Variants in CHCHD3 observed in about 807,000 individuals in gnomAD.
CHCHD3 encodes MICOS complex subunit MIC19.
Under a neutral mutation model 38.2 loss-of-function variants are expected in CHCHD3, and 20 were observed. The ratio of observed to expected loss-of-function variants is 0.52; its 90% CI spans 0.37 to 0.76. CHCHD3 has a LOEUF of 0.76. Ranked by LOEUF, CHCHD3 falls within the 30% of genes least tolerant of loss-of-function variation. The pLI is 0.00. For missense variants in CHCHD3, 245 were observed against 279.2 expected (o/e 0.88, Z 0.87); for synonymous variants, 82 against 100.0 (o/e 0.82, Z 1.07).
At chr7:132,818,387 A>G (rs1197535815) in intron 6 of CHCHD3, among the ~76,000 whole-genome samples, 1 of 152,216 alleles carries the variant, frequency 6.6e-6, no homozygotes, top group East Asian at 1.9e-4. Context: ...GTTTTAATTG[A>G]GCCAGAAAAA....
intron 2 of CHCHD3, among the ~76,000 whole-genome samples, chr7:133,042,710 T>G (rs768685811): frequency 2.0e-5 from 3 of 152,208 alleles, no homozygotes; most frequent in Non-Finnish European, 4.4e-5. Context: ...GACAACTGCA[T>G]TTCTCATAAT....
intron 3 of CHCHD3, among the ~76,000 whole-genome samples, chr7:132,988,585 T>A (rs1381272462): frequency 6.6e-6 from 1 of 152,102 alleles, no homozygotes; most frequent in African/African-American, 2.4e-5. Flanking sequence ...ATCCACAGGT[T>A]TAACCAAATG....
intron 4 of CHCHD3, among the ~76,000 whole-genome samples, chr7:132,951,601 TG>T (rs944758359): frequency 6.6e-5 from 10 of 152,340 alleles, no homozygotes; most frequent in African/African-American, 2.4e-4. Flanking sequence ...TCTAGGTTTG[TG>T]TAAGTACATT....
intron 1 of CHCHD3, among the ~76,000 whole-genome samples, chr7:133,074,181 C>T (rs1041873231): frequency 6.6e-6 from 1 of 152,200 alleles, no homozygotes; most frequent in Admixed American, 6.5e-5. Flanking sequence ...TTAAGTCATT[C>T]ATTCAACAAA....
chr7:133,056,847 T>C (rs12707078), intron 2 of CHCHD3, among the ~76,000 whole-genome samples: 58,753 of 152,138 alleles, frequency 0.39, 11,558 homozygotes, highest in East Asian at 0.55. Context: ...AGTCTCCCCA[T>C]TTTATTCTGA....
At chr7:132,983,564 A>C (rs1325967086) in intron 3 of CHCHD3, among the ~76,000 whole-genome samples, 1 of 152,188 alleles carries the variant, frequency 6.6e-6, no homozygotes, top group African/African-American at 2.4e-5. Flanking sequence ...TCGAGTGAGC[A>C]GTTAGTCTCT....
chr7:133,036,363 A>G (rs908535773), intron 2 of CHCHD3, among the ~76,000 whole-genome samples: 2 of 152,250 alleles, frequency 1.3e-5, no homozygotes, highest in Admixed American at 1.3e-4. Context: ...TAAAATCTTT[A>G]AAAGAATAGT....
At chr7:132,902,393 C>T (rs566261531) in intron 4 of CHCHD3, among the ~76,000 whole-genome samples, 1 of 152,128 alleles carries the variant, frequency 6.6e-6, no homozygotes, top group Admixed American at 6.5e-5. Context: ...GCACTACTCA[C>T]AATAGCAAAG....
At chr7:133,060,426 C>T (rs1271892842) in intron 2 of CHCHD3, among the ~76,000 whole-genome samples, 1 of 152,146 alleles carries the variant, frequency 6.6e-6, no homozygotes, top group Non-Finnish European at 1.5e-5. Flanking sequence ...GTACCACAGG[C>T]CCACACAGGT....
intron 3 of CHCHD3, among the ~76,000 whole-genome samples, chr7:132,993,148 T>G (rs145050628): frequency 6.6e-6 from 1 of 152,342 alleles, no homozygotes; most frequent in East Asian, 1.9e-4. Context: ...TTCTGAAATT[T>G]TAGCTGTCTA....
chr7:132,866,151 T>A (rs1174016473), intron 5 of CHCHD3, among the ~76,000 whole-genome samples: 1 of 152,178 alleles, frequency 6.6e-6, no homozygotes, highest in Non-Finnish European at 1.5e-5. Flanking sequence ...GCACATATTA[T>A]TTAACTTTGG....
chr7:132,975,598 G>A (rs1464223179), intron 3 of CHCHD3, among the ~76,000 whole-genome samples: 1 of 152,020 alleles, frequency 6.6e-6, no homozygotes, highest in African/African-American at 2.4e-5. Flanking sequence ...TCCATCCCTG[G>A]TGCTTCCATT....
At chr7:132,980,073 T>C (rs1379526990) in intron 3 of CHCHD3, among the ~76,000 whole-genome samples, 1 of 152,178 alleles carries the variant, frequency 6.6e-6, no homozygotes, top group South Asian at 2.1e-4. Flanking sequence ...CTGCAAAAGG[T>C]AGATGAGCTG....
At chr7:132,889,846 A>T (rs1809316492) in intron 4 of CHCHD3, among the ~76,000 whole-genome samples, 1 of 152,238 alleles carries the variant, frequency 6.6e-6, no homozygotes, top group Non-Finnish European at 1.5e-5. Flanking sequence ...TCAACTTTAA[A>T]AAAGTAGTAA....
At chr7:132,815,133 T>A (rs544514298) in intron 6 of CHCHD3, among the ~76,000 whole-genome samples, 1 of 152,340 alleles carries the variant, frequency 6.6e-6, no homozygotes, top group East Asian at 1.9e-4. Context: ...ATTATAATAT[T>A]AATTTTTATC....
At chr7:133,058,836 C>T (rs1366362934) in intron 2 of CHCHD3, among the ~76,000 whole-genome samples, 1 of 152,178 alleles carries the variant, frequency 6.6e-6, no homozygotes, top group African/African-American at 2.4e-5. Context: ...TGGGTAAAAG[C>T]CCATATGAGC....
intron 3 of CHCHD3, among the ~76,000 whole-genome samples, chr7:132,989,668 T>G (rs1283503171): frequency 6.6e-6 from 1 of 152,214 alleles, no homozygotes; most frequent in Admixed American, 6.5e-5. Flanking sequence ...ATTCTGATTT[T>G]AGTTCATAAG....
chr7:133,055,589 T>C (rs923645660), intron 2 of CHCHD3, among the ~76,000 whole-genome samples: 6 of 147,576 alleles, frequency 4.1e-5, no homozygotes, highest in Non-Finnish European at 7.4e-5. Flanking sequence ...AATATAATTG[T>C]GTTATATATC....
chr7:133,022,924 CAA>C (rs11313866), intron 3 of CHCHD3, among the ~76,000 whole-genome samples: 134 of 108,442 alleles, frequency 1.2e-3, no homozygotes, highest in African/African-American at 2.4e-3. Context: ...AAGGGAAGAC[CAA>C]AAAAAAAAAA....
Sources: gnomAD v4.1 joint callset for allele counts (sites outside exome capture counted in the v4.1 genomes callset) on GRCh38, gnomAD v4.1.1 for gene constraint, MANE v1.5 for transcripts, NCBI Gene and HGNC (gene_info 2026-07-23, HGNC 2026-07-21) for gene names.